The following MPP7 variants were observed in gnomAD, a reference collection of about 807,000 sequenced individuals.
The protein encoded by MPP7 is MAGUK p55 scaffold protein 7.
MPP7 carries 60 observed loss-of-function variants against 76.5 expected under a neutral mutation model. That is an observed-to-expected ratio of 0.78 (90% CI 0.64 to 0.97). MPP7 has a LOEUF of 0.97. Ranked by LOEUF, MPP7 falls within the 50% of genes least tolerant of loss-of-function variation. The probability of loss-of-function intolerance (pLI) is 0.00; values close to 1 mark genes in which losing one functional copy is unlikely to be tolerated. For missense variants in MPP7, 641 were observed against 694.0 expected (o/e 0.92, Z 0.86); for synonymous variants, 237 against 244.5 (o/e 0.97, Z 0.29).
At position 28,321,210 on chromosome 10, in the gene MPP7, C is replaced by T. The variant is rs57170335; in HGVS notation, c.-132+8719G>A. The stretch of plus-strand genomic sequence containing the variant: ...TAGAAATTAGGATATATATTTGGGG[C>T]ATATTGTTCTGGAAAATGAACAAAA... On this transcript the variant is annotated intron_variant, in intron 2 of 11. Transcript: ENST00000441595. Among the ~76,000 whole-genome samples the T allele has an allele frequency of 9.1e-3, 1,382 of 152,182 alleles. 21 individuals are homozygous for T. Among genetic ancestry groups the T allele is most frequent in the East Asian group, 0.055 (286 of 5,180 alleles).
chr10:28,070,241 C>CA (rs1220043943), intron 12 of MPP7, among the ~76,000 whole-genome samples: 3 of 151,716 alleles, frequency 2.0e-5, no homozygotes, highest in South Asian at 2.1e-4. Flanking sequence ...ACTGAAAATA[C>CA]AAAAAAAATT....
intron 2 of MPP7, among the ~76,000 whole-genome samples, chr10:28,216,107 C>G (rs995316064): frequency 6.7e-6 from 1 of 150,060 alleles, no homozygotes; most frequent in African/African-American, 2.5e-5. Context: ...CACAGTGACT[C>G]ACACCCAGTA....
At chr10:28,056,713 A>C in intron 15 of MPP7, 90 bp from the exon 16 acceptor site, 1 of 1,147,958 alleles carries the variant, frequency 8.7e-7, no homozygotes, top group African/African-American at 1.6e-5. Flanking sequence ...CCTCAAAATT[A>C]TTCTTTAAGG....
At chr10:28,170,769 C>T (rs1359858842) in intron 3 of MPP7, among the ~76,000 whole-genome samples, 1 of 152,056 alleles carries the variant, frequency 6.6e-6, no homozygotes, top group Non-Finnish European at 1.5e-5. Context: ...AAGTTCCATT[C>T]ACCACTGAAT....
At chr10:28,270,071 C>T (rs959192492) in intron 1 of MPP7, among the ~76,000 whole-genome samples, 4 of 152,168 alleles carry the variant, frequency 2.6e-5, no homozygotes, top group Non-Finnish European at 5.9e-5. Flanking sequence ...TTCCCAAGAC[C>T]GCATTACGGC....
chr10:28,148,420 A>T (rs1319354700), intron 4 of MPP7, among the ~76,000 whole-genome samples: 1 of 152,234 alleles, frequency 6.6e-6, no homozygotes, highest in Non-Finnish European at 1.5e-5. Flanking sequence ...GTATAGATGC[A>T]TTTTTATTTA....
Position 28,124,062 on chromosome 10 carries a change from T to C in MPP7, c.584A>G (p.Asp195Gly). 6.2e-7 allele frequency: 1 copy of C among 1,612,214 alleles called. No individual in the cohort carries two copies. The change falls in exon 8 of 17, where the codon GAT becomes GGT. Residue 195 changes from aspartate to glycine, a missense_variant. Asp to Gly is a moderately conservative substitution (Grantham distance 94). Coordinates refer to ENST00000683449, the MANE Select transcript of MPP7 (RefSeq NM_001318170.2). ...CTGTATTATTTCCTCAGGCCTTTTA[T>C]CCTCCACTGGTATCCCGTTGACTTC... Reference protein sequence around the residue: ...LREVNGIPVEDKRPEEIIQIL... With the variant: ...LREVNGIPVEGKRPEEIIQIL...
chr10:28,125,062 G>A lies in MPP7; in HGVS notation c.477C>T (p.Thr159=), dbSNP rs541573536. The change falls in exon 7 of 17, where the codon ACC becomes ACT. Residue 159 remains threonine (T), a synonymous_variant. Coordinates refer to ENST00000683449, the MANE Select transcript of MPP7 (RefSeq NM_001318170.2). ...TGATTCTGGCCACAATGATCGCCCCGGTCTGTTCATCCTTCTTAATGGTAG... is the reference window on the plus strand; with the variant it reads ...TGATTCTGGCCACAATGATCGCCCCAGTCTGTTCATCCTTCTTAATGGTAG... ...LGATIKKDEQ[T]GAIIVARIMR... 33 of 1,613,734 alleles carry A rather than the reference G, an allele frequency of 2.0e-5. No individual in the cohort carries two copies. The highest frequency in any genetic ancestry group is 1.1e-4 in the East Asian group (5 of 44,858).
chr10:28,302,265 G>A (rs896310113), intron 1 of MPP7, among the ~76,000 whole-genome samples: 3 of 152,028 alleles, frequency 2.0e-5, no homozygotes, highest in Admixed American at 6.6e-5. Flanking sequence ...TACTCGGCTG[G>A]GTCTACCTGT....
chr10:28,306,668 T>TAGAGAGAGAGAGAGAGAGAGAG (rs55731439), upstream of MPP7, among the ~76,000 whole-genome samples: 199 of 148,494 alleles, frequency 1.3e-3, no homozygotes, highest in African/African-American at 4.9e-3. Context: ...GATAGATAGA[T>TAGAGAGAGAGAGAGAGAGAGAG]AGAGAGAGAG....
At chr10:28,114,590 G>A (rs1564637391) in intron 11 of MPP7, among the ~76,000 whole-genome samples, 1 of 152,114 alleles carries the variant, frequency 6.6e-6, no homozygotes, top group Non-Finnish European at 1.5e-5. Context: ...CTGACAAGTG[G>A]AGAAACTGTG....
intron 1 of MPP7, among the ~76,000 whole-genome samples, chr10:28,290,931 G>C (rs1467056548): frequency 6.6e-6 from 1 of 152,084 alleles, no homozygotes; most frequent in Non-Finnish European, 1.5e-5. Context: ...ACAGTACATG[G>C]ACAATATAGA....
chr10:28,154,012 A>G (rs936082541), intron 3 of MPP7, among the ~76,000 whole-genome samples: 3 of 152,086 alleles, frequency 2.0e-5, no homozygotes, highest in African/African-American at 7.2e-5. Flanking sequence ...TCTGGGTACT[A>G]AAAAAAGAAA....
At chr10:28,329,727 T>C (rs1834454922) in intron 2 of MPP7, among the ~76,000 whole-genome samples, 1 of 151,222 alleles carries the variant, frequency 6.6e-6, no homozygotes, top group South Asian at 2.1e-4. Context: ...CAAAATTGAG[T>C]CGCATTTGTA....
chr10:28,232,874 A>G (rs1480538855), intron 2 of MPP7, among the ~76,000 whole-genome samples: 1 of 152,200 alleles, frequency 6.6e-6, no homozygotes, highest in African/African-American at 2.4e-5. Flanking sequence ...GGTCACATGG[A>G]TGCTGGCTTA....
In MPP7 at chr10:28,208,634, C is replaced by T. The variant is rs183552140; in HGVS notation, c.38-6363G>A. Among the ~76,000 whole-genome samples the T allele has an allele frequency of 3.6e-3, 545 of 152,290 alleles. 4 individuals are homozygous for T. Among genetic ancestry groups the T allele is most frequent in the African/African-American group, 0.013 (527 of 41,568 alleles). On this transcript the variant is annotated intron_variant, in intron 2 of 16. Coordinates refer to ENST00000683449, the MANE Select transcript of MPP7 (RefSeq NM_001318170.2). The stretch of plus-strand genomic sequence containing the variant: ...CAAGAATAAGGAAGAGATGCCTCCG[C>T]CTCCTCTTGCATTGTCCCATCCAGT...
chr10:28,158,760 G>A (rs10508732), intron 3 of MPP7, among the ~76,000 whole-genome samples: 20,250 of 152,116 alleles, frequency 0.13, 2,040 homozygotes, highest in African/African-American at 0.28. Flanking sequence ...AGCACTACAG[G>A]AGGTTTTGGG....
At chr10:28,301,788 G>C (rs773728154) in intron 1 of MPP7, among the ~76,000 whole-genome samples, 3 of 152,030 alleles carry the variant, frequency 2.0e-5, no homozygotes, top group Non-Finnish European at 4.4e-5. Flanking sequence ...TGTTTTTATA[G>C]AACCAGAGTG....
At chr10:28,249,864 T>C (rs1201602558) in intron 1 of MPP7, among the ~76,000 whole-genome samples, 1 of 152,186 alleles carries the variant, frequency 6.6e-6, no homozygotes, top group Admixed American at 6.5e-5. Context: ...CATGGAGAAG[T>C]CTAGCATGGG....
Sources: gnomAD v4.1 joint callset for allele counts (sites outside exome capture counted in the v4.1 genomes callset) on GRCh38, gnomAD v4.1.1 for gene constraint, MANE v1.5 for transcripts, NCBI Gene and HGNC (gene_info 2026-07-23, HGNC 2026-07-21) for gene names.